Variants in KAZN observed in about 807,000 individuals in gnomAD.
The protein encoded by KAZN is kazrin, periplakin interacting protein, also known as kazrin.
Under a neutral mutation model 87.4 loss-of-function variants are expected in KAZN, and 40 were observed. The observed-to-expected ratio is 0.46, with a 90% CI of 0.36 to 0.60. KAZN has a LOEUF of 0.60. Among genes scored for constraint, KAZN ranks in the 20% least tolerant of loss-of-function variants. The probability of loss-of-function intolerance (pLI) is 0.00; values close to 1 mark genes in which losing one functional copy is unlikely to be tolerated. For missense variants in KAZN, 898 were observed against 1,073.9 expected, an observed-to-expected ratio of 0.84 and a Z score of 2.29; for synonymous variants, 466 against 458.3, an observed-to-expected ratio of 1.02 and a Z score of -0.22.
chr1:15,074,616 C>T (rs146833179), intron 8 of KAZN, among the ~76,000 whole-genome samples: 70 of 152,334 alleles, frequency 4.6e-4, no homozygotes, highest in African/African-American at 1.4e-3. Context: ...ATGTCCCCCA[C>T]GAACCACAGG....
chr1:14,417,203 A>C (rs533960235), intron 2 of KAZN, among the ~76,000 whole-genome samples: 22 of 151,860 alleles, frequency 1.4e-4, no homozygotes, highest in African/African-American at 5.3e-4. Flanking sequence ...AAAGGAAAAA[A>C]CAAAGAAAAA....
intron 1 of KAZN, among the ~76,000 whole-genome samples, chr1:14,065,511 G>T (rs1642972753): frequency 6.7e-6 from 1 of 150,296 alleles, no homozygotes; most frequent in Non-Finnish European, 1.5e-5. Flanking sequence ...TTCTAAGCAC[G>T]CATAAGCTAC....
intron 2 of KAZN, among the ~76,000 whole-genome samples, chr1:14,350,093 C>T (rs1658421453): frequency 6.9e-6 from 1 of 144,418 alleles, no homozygotes; most frequent in African/African-American, 2.6e-5. Context: ...GAGATCGCGC[C>T]ACTGCACTCC....
intron 1 of KAZN, among the ~76,000 whole-genome samples, chr1:14,687,752 C>T (rs546181107): frequency 3.9e-5 from 6 of 152,176 alleles, no homozygotes; most frequent in Non-Finnish European, 8.8e-5. Flanking sequence ...GATGATTTAT[C>T]GGGGCAATAA....
chr1:14,119,049 A>G (rs1271268360), intron 1 of KAZN, among the ~76,000 whole-genome samples: 1 of 152,214 alleles, frequency 6.6e-6, no homozygotes, highest in Non-Finnish European at 1.5e-5. Context: ...AACAAAAACA[A>G]AAACAAAAAA....
In KAZN at chr1:14,599,213, TG is replaced by T; in HGVS notation, c.218del (p.Gly73GlufsTer23). ...CGACGAACATGGAGAACCCCCAGCTTGGAGCGCAAGGTAGGATCGCCCCGGC... is the reference window on the plus strand; with the variant it reads ...CGACGAACATGGAGAACCCCCAGCTTGAGCGCAAGGTAGGATCGCCCCGGC... ...AATNMENPQL[G>X]AQVLLREEVS... On this transcript the variant is annotated frameshift_variant, in exon 1 of 15. Coordinates refer to ENST00000376030, the MANE Select transcript of KAZN (RefSeq NM_201628.3). LOFTEE classifies it high-confidence loss of function. The surrounding 1 kb of genome is among the most constrained non-coding windows in gnomAD (Gnocchi z 4.4). 1 of 1,398,630 alleles carries T rather than the reference TG, an allele frequency of 7.1e-7. No individual in the cohort carries two copies. Among genetic ancestry groups the T allele is most frequent in the Non-Finnish European group, 9.3e-7 (1 of 1,079,140 alleles). The allele number at this position is 1,398,630 out of a possible 1,614,324, so 86.6% of individuals were successfully genotyped here.
intron 1 of KAZN, among the ~76,000 whole-genome samples, chr1:13,998,786 T>C (rs1639643354): frequency 6.6e-6 from 1 of 152,146 alleles, no homozygotes; most frequent in Admixed American, 6.6e-5. Flanking sequence ...AACACCCCAC[T>C]GTCAATATTA....
chr1:14,998,839 C>T (rs748565653), intron 2 of KAZN, among the ~76,000 whole-genome samples: 12 of 152,138 alleles, frequency 7.9e-5, no homozygotes, highest in South Asian at 4.1e-4. Context: ...CGTGGGCCAC[C>T]GCACCCAGCC....
chr1:14,670,862 C>T (rs148148193), intron 1 of KAZN, among the ~76,000 whole-genome samples: 46 of 152,278 alleles, frequency 3.0e-4, no homozygotes, highest in African/African-American at 1.0e-3. Flanking sequence ...CAGTGTTTCT[C>T]GACAAGGGGT....
At chr1:14,423,045 C>T (rs1665523935) in intron 2 of KAZN, among the ~76,000 whole-genome samples, 1 of 152,178 alleles carries the variant, frequency 6.6e-6, no homozygotes, top group Non-Finnish European at 1.5e-5. Context: ...CTTTTATAAA[C>T]AGATAAAGAG....
intron 1 of KAZN, among the ~76,000 whole-genome samples, chr1:14,937,397 C>T (rs1660580225): frequency 2.6e-5 from 4 of 152,218 alleles, no homozygotes; most frequent in Admixed American, 6.5e-5. Flanking sequence ...TTTCCCTTCC[C>T]CCTCCATCTT....
intron 1 of KAZN, among the ~76,000 whole-genome samples, chr1:14,778,845 C>T (rs1645252296): frequency 6.6e-6 from 1 of 152,160 alleles, no homozygotes; most frequent in Non-Finnish European, 1.5e-5. Context: ...TTTTTCTGCT[C>T]ACATGCAGCC....
chr1:14,531,697 C>T (rs1054701831), intron 2 of KAZN, among the ~76,000 whole-genome samples: 2 of 152,146 alleles, frequency 1.3e-5, no homozygotes, highest in Non-Finnish European at 2.9e-5. Context: ...CTTATCTGTA[C>T]AATATTTCAT....
chr1:14,834,808 TTATTAGTATTAG>T (rs3863764), intron 1 of KAZN, among the ~76,000 whole-genome samples: 7 of 151,634 alleles, frequency 4.6e-5, no homozygotes, highest in Non-Finnish European at 5.9e-5. Context: ...CCTAGGGGAA[TTATTAGTATTAG>T]TATTAGTATT....
intron 1 of KAZN, among the ~76,000 whole-genome samples, chr1:14,052,537 GA>G (rs58382432): frequency 0.086 from 12,150 of 141,676 alleles, 757 homozygotes; most frequent in African/African-American, 0.18. Flanking sequence ...GTGTGGGGTG[GA>G]AAAAAAAAAA....
At chr1:14,547,612 T>C (rs1673237819) in intron 2 of KAZN, among the ~76,000 whole-genome samples, 1 of 152,192 alleles carries the variant, frequency 6.6e-6, no homozygotes, top group African/African-American at 2.4e-5. Context: ...TTACAGAGTC[T>C]CGCTCTGTCG....
intron 1 of KAZN, among the ~76,000 whole-genome samples, chr1:14,139,233 C>T (rs1041073258): frequency 1.3e-5 from 2 of 152,150 alleles, no homozygotes; most frequent in African/African-American, 4.8e-5. Context: ...TGCCCATAGC[C>T]CATTGCTGCA....
At chr1:14,030,362 T>C (rs1339214715) in intron 1 of KAZN, among the ~76,000 whole-genome samples, 1 of 140,282 alleles carries the variant, frequency 7.1e-6, no homozygotes, top group Non-Finnish European at 1.5e-5. Flanking sequence ...TTCTCACTCA[T>C]AGGTGGGAAT....
Position 15,062,904 on chromosome 1 carries a change from TGG to T in KAZN, c.1048-665_1048-664del, listed in dbSNP as rs1357568896. 2.0e-5 allele frequency: 3 copies of T among 152,426 alleles called. No homozygotes were observed. In the South Asian group the frequency reaches 6.2e-4, roughly 32 times the overall value. 9.4% of individuals were successfully genotyped at this position (152,426 alleles called of 1,614,324 possible). A position where few individuals can be genotyped will look rare whatever the true frequency, so the allele number is the denominator to read the frequency against. On this transcript the variant is annotated intron_variant, in intron 6 of 14. Coordinates refer to ENST00000376030, the MANE Select transcript of KAZN (RefSeq NM_201628.3). ...AAAGGGAAGGAGTTCAGACCCCTCC[TGG>T]GGCAGCCCAAAGCTCAGGACCAAGT...
Sources: allele counts gnomAD v4.1 joint callset (sites outside exome capture counted in the v4.1 genomes callset), GRCh38; gene constraint gnomAD v4.1.1; non-coding constraint Gnocchi (gnomAD v3.1); transcripts MANE v1.5; gene names NCBI Gene and HGNC (gene_info 2026-07-23, HGNC 2026-07-21).